The following CNTNAP2 variants were observed in gnomAD, a reference collection of about 807,000 sequenced individuals.
The protein encoded by CNTNAP2 is contactin-associated protein-like 2.
Under a neutral mutation model 155.2 loss-of-function variants are expected in CNTNAP2, and 98 were observed. The ratio of observed to expected loss-of-function variants is 0.63; its 90% confidence interval spans 0.54 to 0.75. CNTNAP2 has a LOEUF of 0.75. Ranked by LOEUF, CNTNAP2 falls within the 30% of genes least tolerant of loss-of-function variation. The probability of loss-of-function intolerance (pLI) is 0.00; values close to 1 mark genes in which losing one functional copy is unlikely to be tolerated. For synonymous variants in CNTNAP2, 651 were observed against 631.2 expected, an observed-to-expected ratio of 1.03 and a Z score of -0.47; for missense variants, 1,727 against 1,688.1, an observed-to-expected ratio of 1.02 and a Z score of -0.40.
intron 13 of CNTNAP2, among the ~76,000 whole-genome samples, chr7:147,776,281 T>C (rs1797585189): frequency 6.6e-6 from 1 of 150,944 alleles, no homozygotes; most frequent in South Asian, 2.1e-4. Context: ...TTTTTTTTTT[T>C]CATGCCTTGT....
Position 146,148,111 on chromosome 7 carries a change from G to T in CNTNAP2, c.97+31138G>T, listed in dbSNP as rs771231871. Among the ~76,000 whole-genome samples the T allele has an allele frequency of 5.9e-5, 9 of 152,132 alleles. No homozygotes were observed. The South Asian group carries it at 6.2e-4, about 11-fold the overall frequency. On this transcript the variant is annotated intron_variant, in intron 1 of 23. Transcript: ENST00000361727. ...TTAGTGCAGATTTTACTTCTATAGTGCTCACCTTGATGAGCATCACAATGA... is the reference window on the plus strand; with the variant it reads ...TTAGTGCAGATTTTACTTCTATAGTTCTCACCTTGATGAGCATCACAATGA...
chr7:148,118,436 A>C, intron 16 of CNTNAP2, 148 bp downstream of exon 16: 1 of 870,738 alleles, frequency 1.1e-6, no homozygotes, highest in Admixed American at 2.1e-5. Context: ...CACAAGCCTG[A>C]GTTTGGGCTC....
chr7:146,390,900 C>G (rs1409420339), intron 1 of CNTNAP2, among the ~76,000 whole-genome samples: 1 of 106,036 alleles, frequency 9.4e-6, no homozygotes, highest in African/African-American at 3.4e-5. Flanking sequence ...AACCCCATCT[C>G]TACTAAAAAT....
intron 1 of CNTNAP2, among the ~76,000 whole-genome samples, chr7:146,420,970 T>C (rs1467316924): frequency 6.6e-6 from 1 of 152,062 alleles, no homozygotes; most frequent in Admixed American, 6.6e-5. Flanking sequence ...CTGTTTATGA[T>C]AACATATCCA....
intron 10 of CNTNAP2, among the ~76,000 whole-genome samples, chr7:147,473,063 A>C (rs1422215625): frequency 6.6e-6 from 1 of 152,206 alleles, no homozygotes; most frequent in Non-Finnish European, 1.5e-5. Flanking sequence ...AACTCAGGGC[A>C]ATAATGTGAG....
intron 13 of CNTNAP2, among the ~76,000 whole-genome samples, chr7:147,707,459 G>C (rs1373999300): frequency 6.6e-6 from 1 of 152,226 alleles, no homozygotes; most frequent in East Asian, 1.9e-4. Flanking sequence ...TGATACAGTG[G>C]AGGCTGTGAT....
chr7:147,037,022 T>A (rs950257046), intron 3 of CNTNAP2, among the ~76,000 whole-genome samples: 3 of 152,166 alleles, frequency 2.0e-5, no homozygotes, highest in Non-Finnish European at 4.4e-5. Flanking sequence ...GGAAACAGTG[T>A]CATTCAAACT....
chr7:148,269,780 G>A (rs1390670541), intron 21 of CNTNAP2, among the ~76,000 whole-genome samples: 1 of 152,180 alleles, frequency 6.6e-6, no homozygotes, highest in Non-Finnish European at 1.5e-5. Flanking sequence ...TGGCATTCAT[G>A]AGTCATGGAT....
At chr7:147,808,380 G>A (rs189591780) in intron 13 of CNTNAP2, among the ~76,000 whole-genome samples, 135 of 152,264 alleles carry the variant, frequency 8.9e-4, no homozygotes, top group Non-Finnish European at 1.6e-3. Context: ...CATGTATGTA[G>A]TGGAAAAGGG....
chr7:147,427,901 T>C (rs565854346), intron 10 of CNTNAP2, among the ~76,000 whole-genome samples: 2 of 152,208 alleles, frequency 1.3e-5, no homozygotes, highest in Admixed American at 6.6e-5. Flanking sequence ...TATGCAAACC[T>C]AAATATGTAA....
intron 21 of CNTNAP2, among the ~76,000 whole-genome samples, chr7:148,365,137 A>C (rs1798713866): frequency 6.6e-6 from 1 of 152,158 alleles, no homozygotes; most frequent in African/African-American, 2.4e-5. Flanking sequence ...TCAGAGCTCA[A>C]ATGTAATCTC....
intron 20 of CNTNAP2, among the ~76,000 whole-genome samples, chr7:148,266,227 G>T (rs12669396): frequency 0.33 from 50,608 of 152,074 alleles, 10,289 homozygotes; most frequent in East Asian, 0.6. Context: ...GCTTACAAAA[G>T]AATGTTTTCC....
rs573280524 is a variant in CNTNAP2, at chr7:147,769,185, T to C, written c.2098+129879T>C. ...TCAATTTATGCTAATTGGCAAGTAA[T>C]ACAATAGAATCAAATTATGTATCAT... On this transcript the variant is annotated intron_variant, in intron 13 of 23. Transcript: ENST00000361727. Among the ~76,000 whole-genome samples the C allele has an allele frequency of 2.0e-5, 3 of 152,254 alleles. No individual in the cohort carries two copies. In the South Asian group the frequency reaches 6.2e-4, roughly 32 times the overall value.
At chr7:146,927,635 T>G (rs1434427673) in intron 3 of CNTNAP2, among the ~76,000 whole-genome samples, 2 of 151,458 alleles carry the variant, frequency 1.3e-5, no homozygotes, top group African/African-American at 4.9e-5. Context: ...TTTTTTTCGT[T>G]AAGGTAACAC....
chr7:148,276,403 C>T (rs929494772), intron 21 of CNTNAP2, among the ~76,000 whole-genome samples: 1 of 152,192 alleles, frequency 6.6e-6, no homozygotes, highest in Admixed American at 6.5e-5. Context: ...GACATGCCTC[C>T]GAGTGTCCCA....
chr7:146,249,007 G>A (rs1409652292), intron 1 of CNTNAP2, among the ~76,000 whole-genome samples: 1 of 152,184 alleles, frequency 6.6e-6, no homozygotes, highest in Non-Finnish European at 1.5e-5. Context: ...CTGGCGGTCA[G>A]AGTGGGGGTC....
intron 14 of CNTNAP2, among the ~76,000 whole-genome samples, chr7:147,917,967 G>A (rs17237415): frequency 0.023 from 3,505 of 152,256 alleles, 49 homozygotes; most frequent in Non-Finnish European, 0.033. Flanking sequence ...ACATATCTGC[G>A]TTTTCAACAT....
chr7:146,186,512 T>C (rs572646420), intron 1 of CNTNAP2, among the ~76,000 whole-genome samples: 2 of 152,310 alleles, frequency 1.3e-5, no homozygotes, highest in African/African-American at 2.4e-5. Flanking sequence ...AACTATTCAA[T>C]TGAATCTGTA....
chr7:146,782,916 T>G (rs1201437507), intron 2 of CNTNAP2, among the ~76,000 whole-genome samples: 2 of 152,212 alleles, frequency 1.3e-5, no homozygotes, highest in Non-Finnish European at 2.9e-5. Flanking sequence ...CCTTAAAAAT[T>G]TATTGTTTAA....
Sources: allele counts gnomAD v4.1 joint callset (sites outside exome capture counted in the v4.1 genomes callset), GRCh38; gene constraint gnomAD v4.1.1; transcripts MANE v1.5; gene names NCBI Gene and HGNC (gene_info 2026-07-23, HGNC 2026-07-21).